Variants in PLAC1 observed in about 807,000 individuals in gnomAD.
The protein encoded by PLAC1 is placenta-specific protein 1.
For synonymous variants in PLAC1, 68 were observed against 62.1 expected (o/e 1.09, Z -0.44); for missense variants, 136 against 163.2 (o/e 0.83, Z 0.91).
At chrX:134,667,271 A>G (rs2078440384) in intron 2 of PLAC1, among the ~76,000 whole-genome samples, 1 of 112,353 alleles carries the variant, frequency 8.9e-6, no homozygotes, top group South Asian at 3.7e-4. Flanking sequence ...TGGAAATTAC[A>G]TATCTCATAA....
rs2078072240 is a variant in PLAC1 at position 134,598,449 on chromosome X, G to A, written c.-59+3602C>T. On this transcript the variant is annotated intron_variant, in intron 2 of 2. Coordinates refer to ENST00000359237, the MANE Select transcript of PLAC1 (RefSeq NM_021796.4). ...TCTCAGGGTATTTGATGTCTATATG[G>A]GAAAACAAGAAAAGTGAATTCTCCA... is the stretch of plus-strand genomic sequence containing the variant. Among the ~76,000 whole-genome samples the A allele has an allele frequency of 2.7e-5, 3 of 111,790 alleles. No homozygotes were observed. The South Asian group carries it at 1.1e-3, about 42-fold the overall frequency.
At chrX:134,567,224 G>A (rs2077881625) in intron 2 of PLAC1, among the ~76,000 whole-genome samples, 1 of 111,930 alleles carries the variant, frequency 8.9e-6, no homozygotes, top group Non-Finnish European at 1.9e-5. Context: ...AACCTATGAA[G>A]GAATTGTGGT....
At chrX:134,727,555 A>G (rs1191744353) in intron 2 of PLAC1, among the ~76,000 whole-genome samples, 5 of 112,109 alleles carry the variant, frequency 4.5e-5, no homozygotes, top group Non-Finnish European at 9.4e-5. Flanking sequence ...GGGGAGTTAT[A>G]CTTTGCAAAT....
intron 1 of PLAC1, among the ~76,000 whole-genome samples, chrX:134,657,217 G>A (rs1446945231): frequency 4.5e-5 from 5 of 112,185 alleles, no homozygotes; most frequent in African/African-American, 9.7e-5. Context: ...TTGAACATAC[G>A]GATGCTCCTT....
intron 2 of PLAC1, among the ~76,000 whole-genome samples, chrX:134,726,813 C>A (rs373476881): frequency 1.5e-5 from 1 of 65,250 alleles, no homozygotes; most frequent in African/African-American, 6.5e-5. Context: ...CAGAGCAAGA[C>A]TCTGTCTCAA....
intron 2 of PLAC1, among the ~76,000 whole-genome samples, chrX:134,705,549 A>G (rs1345253536): frequency 1.8e-5 from 2 of 111,676 alleles, no homozygotes; most frequent in African/African-American, 6.5e-5. Context: ...AATAAATTAG[A>G]ATATGTAATT....
chrX:134,578,074 T>G (rs1323527933), intron 2 of PLAC1, among the ~76,000 whole-genome samples: 2 of 109,682 alleles, frequency 1.8e-5, no homozygotes, highest in Non-Finnish European at 3.8e-5. Context: ...GGGCAGGTCA[T>G]GATATAGAGG....
At chrX:134,656,681 C>T (rs1265076301) in intron 1 of PLAC1, among the ~76,000 whole-genome samples, 5 of 111,408 alleles carry the variant, frequency 4.5e-5, no homozygotes, top group Non-Finnish European at 9.4e-5. Flanking sequence ...ATCTCCTGGG[C>T]TCAAGTGATC....
chrX:134,738,232 C>T (rs921195270), intron 1 of PLAC1, among the ~76,000 whole-genome samples: 4 of 112,059 alleles, frequency 3.6e-5, no homozygotes, highest in African/African-American at 1.3e-4. Context: ...GTGTTAACAG[C>T]GATGTCTGCA....
At chrX:134,675,531 G>A (rs993737951) in intron 2 of PLAC1, among the ~76,000 whole-genome samples, 3 of 111,898 alleles carry the variant, frequency 2.7e-5, no homozygotes, top group Admixed American at 9.4e-5. Flanking sequence ...CGGGCCTGGT[G>A]GTGCATGCCT....
At chrX:134,603,376 C>T (rs1247607632) in intron 1 of PLAC1, among the ~76,000 whole-genome samples, 1 of 73,142 alleles carries the variant, frequency 1.4e-5, no homozygotes, top group Admixed American at 2.0e-4. Context: ...CTTGCTCTGT[C>T]ACCCAGGCTG....
At chrX:134,665,753 A>G (rs1008919108) in intron 2 of PLAC1, among the ~76,000 whole-genome samples, 3 of 111,228 alleles carry the variant, frequency 2.7e-5, no homozygotes, top group African/African-American at 9.8e-5. Context: ...CTGTGAAAGA[A>G]AAGGGGAGAA....
At chrX:134,590,124 G>A (rs1439178752) in intron 2 of PLAC1, among the ~76,000 whole-genome samples, 1 of 110,716 alleles carries the variant, frequency 9.0e-6, no homozygotes, top group Non-Finnish European at 1.9e-5. Context: ...CAACCTGGGA[G>A]GCAGAAGTTG....
intron 1 of PLAC1, among the ~76,000 whole-genome samples, chrX:134,647,378 TTGTGGTCTTCTATG>T (rs1038300024): frequency 1.2e-4 from 13 of 109,112 alleles, no homozygotes; most frequent in Non-Finnish European, 1.9e-5. Context: ...TGAGGGAATG[TTGTGGTCTTCTATG>T]TGTGGGCATG....
rs1048530562 is a variant in PLAC1, at chrX:134,566,665, G to A, written c.18C>T (p.Phe6=). 2.5e-6 allele frequency: 3 copies of A among 1,191,951 alleles called. No individual in the cohort carries two copies. The highest frequency in any genetic ancestry group is 3.4e-6 in the Non-Finnish European group (3 of 881,907). Residue 6 remains phenylalanine (F), a synonymous_variant, in exon 3 of 3, where the codon TTC becomes TTT. Coordinates refer to ENST00000359237, the MANE Select transcript of PLAC1 (RefSeq NM_021796.4). ...AGGTGAGGAGGATCATCAGTCCTATGAACTTAAAAACTTTCATCCCTGCAG... is the reference window on the plus strand; with the variant it reads ...AGGTGAGGAGGATCATCAGTCCTATAAACTTAAAAACTTTCATCCCTGCAG... The part of the protein sequence containing the change: MKVFK[F]IGLMILLTSA...
At chrX:134,697,979 A>G (rs1439362119) in intron 2 of PLAC1, among the ~76,000 whole-genome samples, 1 of 112,390 alleles carries the variant, frequency 8.9e-6, no homozygotes, top group African/African-American at 3.2e-5. Context: ...TATATAGGCT[A>G]CTTTGTAATC....
intron 2 of PLAC1, among the ~76,000 whole-genome samples, chrX:134,596,722 G>A (rs1031884993): frequency 9.1e-6 from 1 of 110,256 alleles, no homozygotes; most frequent in Non-Finnish European, 1.9e-5. Flanking sequence ...TGAGCCTCTC[G>A]AGTAGCTGGG....
At chrX:134,627,559 G>T (rs2078242206) in intron 1 of PLAC1, among the ~76,000 whole-genome samples, 1 of 112,324 alleles carries the variant, frequency 8.9e-6, no homozygotes, top group Middle Eastern at 4.6e-3. Context: ...AGTCACAAAA[G>T]GTACAAGGCA....
chrX:134,608,829 C>A (rs750720334), intron 1 of PLAC1, among the ~76,000 whole-genome samples: 25 of 109,215 alleles, frequency 2.3e-4, no homozygotes, highest in African/African-American at 8.0e-4. Flanking sequence ...GCACCCGCCA[C>A]CATGTCCGGC....
Sources: allele counts gnomAD v4.1 joint callset (sites outside exome capture counted in the v4.1 genomes callset), GRCh38; gene constraint gnomAD v4.1.1; transcripts MANE v1.5; gene names NCBI Gene and HGNC (gene_info 2026-07-23, HGNC 2026-07-21).